Variants in PRPF8 observed in about 807,000 individuals in gnomAD.
PRPF8 encodes pre-mRNA processing factor 8.
A neutral mutation model predicts 285.9 loss-of-function variants in PRPF8; 64 were observed. The ratio of observed to expected loss-of-function variants is 0.22; its 90% CI spans 0.18 to 0.28. The LOEUF (loss-of-function observed/expected upper bound fraction) is 0.28, where lower values mean the gene tolerates loss of function less well. Ranked by LOEUF, PRPF8 falls within the 10% of genes least tolerant of loss-of-function variation. PRPF8 has a pLI of 1.00. For synonymous variants in PRPF8, 1,325 were observed against 1,118.2 expected, an observed-to-expected ratio of 1.18 and a Z score of -3.69; for missense variants, 1,426 against 3,026.7, an observed-to-expected ratio of 0.47 and a Z score of 12.41.
At chr17:1,664,966 G>C (rs1437033811) in intron 24 of PRPF8, among the ~76,000 whole-genome samples, 1 of 151,804 alleles carries the variant, frequency 6.6e-6, no homozygotes, top group African/African-American at 2.4e-5. Context: ...GACCAGCCTG[G>C]CCAACATGGT....
intron 37 of PRPF8, chr17:1,654,958 C>CTTT (rs922886665): frequency 4.0e-4 from 64 of 159,232 alleles, no homozygotes; most frequent in Admixed American, 1.0e-3. Context: ...TGAGAAACGT[C>CTTT]TTTTTTTTTT....
At position 1,682,044 on chromosome 17, in the gene PRPF8, A is replaced by C. The variant is rs75026252; in HGVS notation, c.435-6T>G. The C allele has an allele frequency of 1.9e-3, 3,038 of 1,613,920 alleles. 50 individuals are homozygous for C. The African/African-American group carries it at 0.036, about 19-fold the overall frequency. ...GCATCATAATCCACATTGACCTGGA[A>C]GGCAAGACATCACACAACCATTTCT... On this transcript the variant is annotated splice_region_variant and splice_polypyrimidine_tract_variant and intron_variant, in intron 4 of 42. Transcript: ENST00000304992.
chr17:1,655,816 T>TGG (rs1176653579), intron 36 of PRPF8, among the ~76,000 whole-genome samples: 1 of 150,310 alleles, frequency 6.7e-6, no homozygotes, highest in Non-Finnish European at 1.5e-5. Flanking sequence ...TTAGTAGAGA[T>TGG]GGGGTTTCAC....
At position 1,678,587 on chromosome 17, in the gene PRPF8, T is replaced by C; in HGVS notation, c.1785A>G (p.Lys595=). The C allele has an allele frequency of 6.2e-7, 1 of 1,614,234 alleles. No homozygotes were observed. The highest frequency in any genetic ancestry group is 8.5e-7 in the Non-Finnish European group (1 of 1,180,048). Residue 595 remains lysine (K), a synonymous_variant, in exon 13 of 43, where the codon AAA becomes AAG. Coordinates refer to ENST00000304992, the MANE Select transcript of PRPF8 (RefSeq NM_006445.4). ...VGQLTGMYRY[K]YKLMRQIRMC... is the part of the protein sequence containing the mutation. Reference sequence around the variant, plus strand: ...TGCGAATCTGTCGCATCAGCTTGTATTTGTATCGATACATGCCCGTCAACT... The same window carrying C: ...TGCGAATCTGTCGCATCAGCTTGTACTTGTATCGATACATGCCCGTCAACT...
intron 24 of PRPF8, among the ~76,000 whole-genome samples, chr17:1,663,304 A>T (rs1258128792): frequency 1.4e-5 from 2 of 143,832 alleles, no homozygotes; most frequent in Non-Finnish European, 3.2e-5. Context: ...AAATAATTTA[A>T]AAAAAAAAGA....
At chr17:1,654,314 C>T in intron 37 of PRPF8, 1 of 555,860 alleles carries the variant, frequency 1.8e-6, no homozygotes, top group Admixed American at 3.1e-5. Context: ...AAATGGAAAC[C>T]CCAGAAACCC....
At position 1,676,957 on chromosome 17, in the gene PRPF8, G is replaced by A; in HGVS notation, c.2181+19C>T. 1.2e-6 allele frequency: 2 copies of A among 1,612,814 alleles called. No individual in the cohort carries two copies. The highest frequency in any genetic ancestry group is 1.7e-6 in the Non-Finnish European group (2 of 1,179,964). ...AAAGACGGATGTTTACGCCTCCAAG[G>A]AAATAAAGAGACACCCACCTTCCAG... On this transcript the variant is annotated intron_variant, in intron 15 of 42. Transcript: ENST00000304992. The surrounding 1 kb of genome is among the most constrained non-coding windows in gnomAD (Gnocchi z 6.3).
Position 1,679,282 on chromosome 17 carries a change from G to A in PRPF8, c.1409+9C>T. ...CAGAAGTCTGCGCAGGGCCCCTGGG[G>A]CACCTTACCTCTTCTTTTGAGCCTT... On this transcript the variant is annotated intron_variant, in intron 10 of 42. Coordinates refer to ENST00000304992, the MANE Select transcript of PRPF8 (RefSeq NM_006445.4). This position sits in a 1 kb window ranked among gnomAD's most constrained non-coding sequence, Gnocchi z 4.7. 1.2e-6 allele frequency: 2 copies of A among 1,614,152 alleles called. No individual in the cohort carries two copies. Among genetic ancestry groups the A allele is most frequent in the Admixed American group, 1.7e-5 (1 of 60,022 alleles).
intron 39 of PRPF8, among the ~76,000 whole-genome samples, chr17:1,652,430 G>A (rs1055674586): frequency 6.6e-6 from 1 of 152,138 alleles, no homozygotes; most frequent in African/African-American, 2.4e-5. Flanking sequence ...AGAGAGACGG[G>A]GTTTCGCCAC....
intron 24 of PRPF8, among the ~76,000 whole-genome samples, chr17:1,669,959 C>G (rs1912215888): frequency 6.6e-6 from 1 of 152,194 alleles, no homozygotes; most frequent in African/African-American, 2.4e-5. Context: ...TTAATCCAGA[C>G]CTGTTCTCCA....
chr17:1,666,990 T>C (rs1597237650), intron 24 of PRPF8, among the ~76,000 whole-genome samples: 1 of 152,078 alleles, frequency 6.6e-6, no homozygotes. Flanking sequence ...CTGACCAACA[T>C]GGTGAAACCC....
intron 37 of PRPF8, chr17:1,654,958 C>CTTTTTT: frequency 6.3e-6 from 1 of 158,948 alleles, no homozygotes; most frequent in Non-Finnish European, 1.3e-5. Flanking sequence ...TGAGAAACGT[C>CTTTTTT]TTTTTTTTTT....
At chr17:1,656,174 C>CA (rs1381337875) in intron 36 of PRPF8, among the ~76,000 whole-genome samples, 1 of 152,096 alleles carries the variant, frequency 6.6e-6, no homozygotes, top group Non-Finnish European at 1.5e-5. Context: ...TCACCCAACT[C>CA]AGCCTCCCAA....
At position 1,676,909 on chromosome 17, in the gene PRPF8, T is replaced by C. The variant is rs1912630251; in HGVS notation, c.2181+67A>G. ...TGGAGCCAGATAGCCCCCTAATGAT[T>C]CCCGAAGTGGTAATCCTACCCTAAA... is the stretch of plus-strand genomic sequence containing the variant. On this transcript the variant is annotated intron_variant, in intron 15 of 42. Coordinates refer to ENST00000304992, the MANE Select transcript of PRPF8 (RefSeq NM_006445.4). This position sits in a 1 kb window ranked among gnomAD's most constrained non-coding sequence, Gnocchi z 6.3. 4 of 1,582,724 alleles carry C rather than the reference T, an allele frequency of 2.5e-6. 1 individual carries two copies. The South Asian group carries it at 4.4e-5, about 17-fold the overall frequency.
Position 1,659,160 on chromosome 17 carries a change from G to A in PRPF8, c.5138+197C>T, listed in dbSNP as rs149179663. On this transcript the variant is annotated intron_variant, in intron 32 of 42. Transcript: ENST00000304992. This position sits in a 1 kb window ranked among gnomAD's most constrained non-coding sequence, Gnocchi z 5.1. Reference sequence around the variant, plus strand: ...CCCACCTCAACCTTCTGAGTAGCTGGGACTACAGGCGTGGACCACCACGCC... The same window carrying A: ...CCCACCTCAACCTTCTGAGTAGCTGAGACTACAGGCGTGGACCACCACGCC... 0.032 allele frequency: 22,208 copies of A among 687,970 alleles called. 442 individuals carry two copies. The highest frequency in any genetic ancestry group is 0.058 in the Middle Eastern group (151 of 2,616). 42.6% of individuals were successfully genotyped at this position (687,970 alleles called of 1,614,324 possible).
intron 24 of PRPF8, among the ~76,000 whole-genome samples, chr17:1,664,201 T>C (rs1038733494): frequency 9.2e-5 from 14 of 152,072 alleles, no homozygotes; most frequent in African/African-American, 3.4e-4. Flanking sequence ...CAGCTAATTT[T>C]TGTATTTTTT....
At chr17:1,678,700 G>A (rs376783337) in intron 12 of PRPF8, 48 bp from the exon 13 acceptor site, 12 of 1,614,090 alleles carry the variant, frequency 7.4e-6, no homozygotes, top group African/African-American at 2.7e-5. Context: ...CCAGCTCCAC[G>A]GTCAGCACAG....
intron 13 of PRPF8, among the ~76,000 whole-genome samples, chr17:1,678,015 G>A (rs941461563): frequency 6.6e-6 from 1 of 152,104 alleles, no homozygotes; most frequent in African/African-American, 2.4e-5. Flanking sequence ...AAAGATCTGA[G>A]AAAGTTAAGT....
At position 1,658,118 on chromosome 17, in the gene PRPF8, C is replaced by A; in HGVS notation, c.5505+135G>T. ...CTTGGACCTCCCACAGAATACTTCC[C>A]AAGGTATTTTGGGGATAAGTTCAAA... On this transcript the variant is annotated intron_variant, in intron 34 of 42. Coordinates refer to ENST00000304992, the MANE Select transcript of PRPF8 (RefSeq NM_006445.4). The surrounding 1 kb of genome is among the most constrained non-coding windows in gnomAD (Gnocchi z 4.1). 1 of 1,339,034 alleles carries A rather than the reference C, an allele frequency of 7.5e-7. No homozygotes were observed. Among genetic ancestry groups the A allele is most frequent in the East Asian group, 2.5e-5 (1 of 40,472 alleles). The allele number at this position is 1,339,034 out of a possible 1,614,324, so 82.9% of individuals were successfully genotyped here.
Sources: allele counts gnomAD v4.1 joint callset (sites outside exome capture counted in the v4.1 genomes callset), GRCh38; gene constraint gnomAD v4.1.1; non-coding constraint Gnocchi (gnomAD v3.1); transcripts MANE v1.5; gene names NCBI Gene and HGNC (gene_info 2026-07-23, HGNC 2026-07-21).